Variants in MYH16 observed in about 807,000 individuals in gnomAD.
The protein encoded by MYH16 is putative uncharacterized protein MYH16.
At chr7:99,241,826 C>G (rs1044710716) in intron 1 of MYH16, among the ~76,000 whole-genome samples, 2 of 151,714 alleles carry the variant, frequency 1.3e-5, no homozygotes, top group African/African-American at 4.8e-5. Context: ...AGCTTTGATC[C>G]CAGATGCTGG....
Position 99,271,728 on chromosome 7 carries a change from C to G in MYH16, n.2403+635C>G, listed in dbSNP as rs117407729. Among the ~76,000 whole-genome samples the G allele has an allele frequency of 2.0e-3, 297 of 152,270 alleles. 1 individual carries two copies. Among genetic ancestry groups the G allele is most frequent in the Non-Finnish European group, 3.5e-3 (235 of 68,024 alleles). On this transcript the variant is annotated intron_variant and non_coding_transcript_variant, in intron 19 of 41. Transcript: ENST00000439784. Reference sequence around the variant, plus strand: ...TTTATTTTTGAGTGGGGGATGGGGTCTTGCTCTGTAGCCCAGGCTGGAGTA... The same window carrying G: ...TTTATTTTTGAGTGGGGGATGGGGTGTTGCTCTGTAGCCCAGGCTGGAGTA...
chr7:99,305,477 C>T (rs1027396565), intron 40 of MYH16: 2 of 152,340 alleles, frequency 1.3e-5, no homozygotes, highest in African/African-American at 4.8e-5. Context: ...CTAACACCCC[C>T]ATTTCCCAGA....
In MYH16 at chr7:99,248,545, G is replaced by A. The variant is rs190303135; in HGVS notation, n.512-446G>A. 9.2e-5 allele frequency among the ~76,000 whole-genome samples: 14 copies of A among 152,274 alleles called. No individual in the cohort carries two copies. In the East Asian group the frequency reaches 2.1e-3, roughly 23 times the overall value. ...TGAGTAGCTGAGACTATAGCAATGC[G>A]TCACTATGCCCAGCTAATTTCTTAA... On this transcript the variant is annotated intron_variant and non_coding_transcript_variant, in intron 3 of 41. Coordinates refer to ENST00000439784, the Ensembl canonical transcript of MYH16.
At chr7:99,242,924 A>T (rs968959430) in intron 1 of MYH16, among the ~76,000 whole-genome samples, 3 of 152,224 alleles carry the variant, frequency 2.0e-5, no homozygotes, top group African/African-American at 4.8e-5. Flanking sequence ...ATCTATCAGG[A>T]TGGATTTGGC....
intron 18 of MYH16, among the ~76,000 whole-genome samples, chr7:99,269,865 C>CTTTT (rs983455403): frequency 6.5e-5 from 7 of 107,708 alleles, no homozygotes; most frequent in Admixed American, 9.7e-5. Context: ...TCTGGGGACA[C>CTTTT]TTTTTTTTTT....
intron 36 of MYH16, among the ~76,000 whole-genome samples, chr7:99,298,613 A>G (rs1408213944): frequency 6.6e-6 from 1 of 152,190 alleles, no homozygotes; most frequent in African/African-American, 2.4e-5. Context: ...GGCTGTTTGT[A>G]TATCTTCGGA....
chr7:99,241,859 GT>G (rs71930898), intron 1 of MYH16, among the ~76,000 whole-genome samples: 12 of 146,530 alleles, frequency 8.2e-5, no homozygotes, highest in African/African-American at 2.5e-4. Context: ...GCTGGCACTA[GT>G]TTTTTTTTTT....
chr7:99,252,041 G>C (rs1413416978), intron 6 of MYH16, among the ~76,000 whole-genome samples: 1 of 152,170 alleles, frequency 6.6e-6, no homozygotes, highest in East Asian at 1.9e-4. Context: ...AAGTCAAGCA[G>C]CTTTGATACA....
At chr7:99,268,924 G>A (rs907991857) in intron 18 of MYH16, among the ~76,000 whole-genome samples, 1 of 152,056 alleles carries the variant, frequency 6.6e-6, no homozygotes, top group Non-Finnish European at 1.5e-5. Flanking sequence ...TTGGGTTCCC[G>A]CAGCTCAGAG....
chr7:99,309,776 C>G (rs1792733986), downstream of MYH16, among the ~76,000 whole-genome samples: 1 of 152,232 alleles, frequency 6.6e-6, no homozygotes, highest in South Asian at 2.1e-4. Context: ...TCCATGCCAT[C>G]AGGCTGCTAT....
intron 37 of MYH16, among the ~76,000 whole-genome samples, chr7:99,299,927 T>TTTTATTTTATTTTA (rs1405217065): frequency 2.8e-4 from 39 of 138,178 alleles, no homozygotes; most frequent in African/African-American, 1.1e-3. Flanking sequence ...TTTTATTTTA[T>TTTTATTTTATTTTA]TTTATTTATT....
chr7:99,276,811 G>GAC (rs896650438), intron 20 of MYH16, among the ~76,000 whole-genome samples: 2 of 152,016 alleles, frequency 1.3e-5, no homozygotes, highest in South Asian at 2.1e-4. Context: ...GATGGAGAGA[G>GAC]ACACACACAC....
chr7:99,311,093 A>C (rs1225002993), downstream of MYH16: 1 of 152,176 alleles, frequency 6.6e-6, no homozygotes, highest in Non-Finnish European at 1.5e-5. Flanking sequence ...TAATGTCCCA[A>C]TATAGCTTAA....
chr7:99,289,288 T>C (rs1562783748), exon 30 of MYH16: 1 of 419,444 alleles, frequency 2.4e-6, no homozygotes, highest in Non-Finnish European at 4.8e-6. Context: ...CCTGAGCAGA[T>C]GAACGCCGAG....
chr7:99,274,539 C>G (rs1792084849), intron 20 of MYH16, among the ~76,000 whole-genome samples: 1 of 152,242 alleles, frequency 6.6e-6, no homozygotes, highest in Non-Finnish European at 1.5e-5. Flanking sequence ...TGTATCCACA[C>G]ACAGGCCGGC....
At chr7:99,262,672 C>T (rs193150830) in intron 13 of MYH16, among the ~76,000 whole-genome samples, 1 of 152,306 alleles carries the variant, frequency 6.6e-6, no homozygotes, top group East Asian at 1.9e-4. Context: ...CTGAAAGACT[C>T]CTTCCTCCTT....
downstream of MYH16, among the ~76,000 whole-genome samples, chr7:99,309,362 T>A (rs1792727455): frequency 6.6e-6 from 1 of 152,178 alleles, no homozygotes; most frequent in South Asian, 2.1e-4. Flanking sequence ...GGTGGTCAGT[T>A]TGGGTTTTGG....
chr7:99,262,236 A>G (rs1409889955), intron 13 of MYH16, among the ~76,000 whole-genome samples: 2 of 152,148 alleles, frequency 1.3e-5, no homozygotes, highest in Admixed American at 1.3e-4. Flanking sequence ...GTAAGTGCCA[A>G]TGCTCCTGTT....
chr7:99,257,880 C>T (rs1791890019), intron 10 of MYH16, among the ~76,000 whole-genome samples: 1 of 152,190 alleles, frequency 6.6e-6, no homozygotes, highest in African/African-American at 2.4e-5. Context: ...CTCCTGGCCT[C>T]AAGTGATCCT....
Sources: allele counts gnomAD v4.1 joint callset (sites outside exome capture counted in the v4.1 genomes callset), GRCh38; gene constraint gnomAD v4.1.1; transcripts MANE v1.5; gene names NCBI Gene and HGNC (gene_info 2026-07-23, HGNC 2026-07-21).